PTK2: variants seen among roughly 807,000 people sequenced by gnomAD.
PTK2 encodes focal adhesion kinase 1.
Under a neutral mutation model 150.1 loss-of-function variants are expected in PTK2, and 45 were observed. The observed-to-expected ratio is 0.30, with a 90% CI of 0.24 to 0.38. PTK2 has a LOEUF of 0.38. PTK2 is among the 10% of genes least tolerant of loss of function. The pLI is 1.00. For synonymous variants in PTK2, 432 were observed against 449.2 expected (o/e 0.96, Z 0.48); for missense variants, 919 against 1,307.3 (o/e 0.70, Z 4.58).
At chr8:140,878,829 T>G (rs1418657749) in intron 4 of PTK2, among the ~76,000 whole-genome samples, 5 of 148,394 alleles carry the variant, frequency 3.4e-5, no homozygotes, top group Non-Finnish European at 7.4e-5. Context: ...AGTAACATCT[T>G]GAGTTGCTTA....
chr8:140,974,989 A>G (rs182893345), intron 1 of PTK2, among the ~76,000 whole-genome samples: 1 of 152,332 alleles, frequency 6.6e-6, no homozygotes, highest in African/African-American at 2.4e-5. Flanking sequence ...TTACTTAGTC[A>G]CGCCTGTAGA....
chr8:140,900,293 A>G lies in PTK2; in HGVS notation c.-32-9524T>C, dbSNP rs550051771. On this transcript the variant is annotated intron_variant, in intron 2 of 31. Transcript: ENST00000522684. Reference sequence around the variant, plus strand: ...GAAGTAGCATTTATATACACCAACAACGAACAATGTATAAAATAAATCAAG... The same window carrying G: ...GAAGTAGCATTTATATACACCAACAGCGAACAATGTATAAAATAAATCAAG... 3.3e-5 allele frequency among the ~76,000 whole-genome samples: 5 copies of G among 152,352 alleles called. No homozygotes were observed. The East Asian group carries it at 9.6e-4, about 29-fold the overall frequency.
intron 17 of PTK2, among the ~76,000 whole-genome samples, chr8:140,749,457 G>A (rs1344125705): frequency 6.6e-6 from 1 of 152,166 alleles, no homozygotes; most frequent in Non-Finnish European, 1.5e-5. Flanking sequence ...TGGCCACTAG[G>A]AAACTCTACC....
intron 2 of PTK2, among the ~76,000 whole-genome samples, chr8:140,922,528 A>G (rs2100167899): frequency 6.6e-6 from 1 of 151,974 alleles, no homozygotes; most frequent in African/African-American, 2.4e-5. Context: ...TATCTGACAC[A>G]CTCCTGTGAG....
intron 5 of PTK2, among the ~76,000 whole-genome samples, chr8:140,856,586 G>A (rs1261600543): frequency 6.6e-6 from 1 of 152,120 alleles, no homozygotes; most frequent in Non-Finnish European, 1.5e-5. Flanking sequence ...AACTACGGTG[G>A]GAAAAACACA....
intron 25 of PTK2, among the ~76,000 whole-genome samples, chr8:140,702,204 C>T (rs2100030969): frequency 6.9e-6 from 1 of 144,240 alleles, no homozygotes; most frequent in Non-Finnish European, 1.5e-5. Flanking sequence ...GTACCTTAGG[C>T]CATGCTTTAT....
chr8:140,988,586 G>A (rs1158016906), intron 1 of PTK2, among the ~76,000 whole-genome samples: 1 of 152,090 alleles, frequency 6.6e-6, no homozygotes, highest in Non-Finnish European at 1.5e-5. Flanking sequence ...AAAAATAGCA[G>A]GGCATGGTGG....
At chr8:140,914,350 C>G (rs2100164338) in intron 2 of PTK2, among the ~76,000 whole-genome samples, 1 of 151,166 alleles carries the variant, frequency 6.6e-6, no homozygotes, top group Admixed American at 6.6e-5. Flanking sequence ...ATAGATGAAT[C>G]TGAAATCAAA....
chr8:140,675,492 T>C lies in PTK2; in HGVS notation c.2570A>G (p.Asn857Ser), dbSNP rs569413912. 5 of 1,611,334 alleles carry C rather than the reference T, an allele frequency of 3.1e-6. No individual in the cohort carries two copies. The East Asian group carries it at 8.9e-5, about 29-fold the overall frequency. ...ACCCACAGGCTGATATATATGTTGG[T>C]TTCCAATCTGTGGGAAAAGAAAAGT... Residue 857 changes from asparagine (N) to serine (S), a missense_variant, in exon 28 of 32, where the codon AAC (asparagine) becomes AGC (serine). Transcript: ENST00000522684.
At chr8:140,870,842 T>C (rs1047031349) in intron 4 of PTK2, among the ~76,000 whole-genome samples, 7 of 152,126 alleles carry the variant, frequency 4.6e-5, no homozygotes, top group African/African-American at 1.4e-4. Flanking sequence ...TTTTTGGAGA[T>C]TTTTAACAAC....
intron 3 of PTK2, among the ~76,000 whole-genome samples, chr8:140,889,185 AAAAATTATGTAAAATTTATATAC>A (rs2100153384): frequency 6.6e-6 from 1 of 152,196 alleles, no homozygotes; most frequent in Admixed American, 6.5e-5. Flanking sequence ...AGAGGTAACA[AAAAATTATGTAAAATTTATATAC>A]AAGACTTTAG....
At chr8:140,995,838 GC>G (rs2100197519) in intron 1 of PTK2, among the ~76,000 whole-genome samples, 1 of 152,272 alleles carries the variant, frequency 6.6e-6, no homozygotes, top group African/African-American at 2.4e-5. Context: ...GGCCTCCTGT[GC>G]CAAACAGCCA....
chr8:140,834,242 G>A (rs895815635), intron 7 of PTK2, among the ~76,000 whole-genome samples: 3 of 152,294 alleles, frequency 2.0e-5, no homozygotes, highest in Middle Eastern at 3.4e-3. Context: ...AGGGATGGGT[G>A]AAATGCATGA....
intron 8 of PTK2, among the ~76,000 whole-genome samples, chr8:140,820,004 T>C (rs1283957622): frequency 2.0e-5 from 3 of 148,170 alleles, no homozygotes; most frequent in Non-Finnish European, 3.0e-5. Context: ...AGTTAACAAG[T>C]TGGCTTTGAC....
intron 7 of PTK2, among the ~76,000 whole-genome samples, chr8:140,838,302 T>C (rs1002677690): frequency 5.3e-5 from 8 of 152,174 alleles, no homozygotes; most frequent in African/African-American, 1.9e-4. Flanking sequence ...TCCAAGTTAC[T>C]AGCCAAAACC....
At chr8:140,778,273 G>A (rs1238087593) in intron 14 of PTK2, among the ~76,000 whole-genome samples, 4 of 152,172 alleles carry the variant, frequency 2.6e-5, no homozygotes, top group Non-Finnish European at 5.9e-5. Context: ...TTTGAGACCA[G>A]CTAACATGGA....
At chr8:140,781,929 G>C (rs761062630) in intron 14 of PTK2, among the ~76,000 whole-genome samples, 8 of 152,184 alleles carry the variant, frequency 5.3e-5, no homozygotes, top group Non-Finnish European at 7.3e-5. Context: ...GTGGGAGAGG[G>C]AGGGCTATCG....
intron 24 of PTK2, 65 bp downstream of exon 27, chr8:140,706,054 C>T (rs565775868): frequency 1.5e-6 from 2 of 1,306,270 alleles, no homozygotes; most frequent in African/African-American, 2.9e-5. Context: ...GCACAATGTA[C>T]CGCTCTACCC....
chr8:140,952,857 G>A (rs2100179966), intron 1 of PTK2, among the ~76,000 whole-genome samples: 3 of 152,154 alleles, frequency 2.0e-5, no homozygotes, highest in African/African-American at 4.8e-5. Context: ...AGATCTACAA[G>A]TTACAAACTG....
Sources: gnomAD v4.1 joint callset for allele counts (sites outside exome capture counted in the v4.1 genomes callset) on GRCh38, gnomAD v4.1.1 for gene constraint, MANE v1.5 for transcripts, NCBI Gene and HGNC (gene_info 2026-07-23, HGNC 2026-07-21) for gene names.